Variants in TRIML1 observed in about 807,000 individuals in gnomAD.
The protein encoded by TRIML1 is probable E3 ubiquitin-protein ligase TRIML1.
Under a neutral mutation model 32.3 loss-of-function variants are expected in TRIML1, and 34 were observed. The observed-to-expected ratio is 1.05, with a 90% confidence interval of 0.80 to 1.40. TRIML1 has a LOEUF of 1.40. Ranked by LOEUF, TRIML1 falls within the 40% of genes most tolerant of loss-of-function variation. The probability of loss-of-function intolerance (pLI) is 0.00; values close to 1 mark genes in which losing one functional copy is unlikely to be tolerated. For missense variants in TRIML1, 595 were observed against 574.9 expected, an observed-to-expected ratio of 1.03 and a Z score of -0.36; for synonymous variants, 244 against 226.6, an observed-to-expected ratio of 1.08 and a Z score of -0.69.
intron 5 of TRIML1, 44 bp downstream of exon 5, chr4:188,144,177 A>C (rs1171277109): frequency 6.6e-7 from 1 of 1,510,980 alleles, no homozygotes; most frequent in Non-Finnish European, 9.1e-7. Flanking sequence ...TCGAAGAATT[A>C]ACTTCAGCAT....
chr4:188,144,071 C>T lies in TRIML1; in HGVS notation c.794C>T (p.Thr265Ile), dbSNP rs75061345. 2.7e-4 allele frequency: 435 copies of T among 1,614,048 alleles called. 3 individuals are homozygous for T. The East Asian group carries it at 9.3e-3, about 34-fold the overall frequency. The change falls in exon 5 of 6, where the codon ACC becomes ATC. Residue 265 changes from threonine to isoleucine, a missense_variant. By Grantham distance (89) the Thr-to-Ile change is moderately conservative (BLOSUM62 -1). Transcript: ENST00000332517. ...CTCTTGCTTCAGTGTCCAGAGGCCA[C>T]CACCACAGAGCTGAGTCTGTGCCGC... Reference protein sequence around the residue: ...EPLLLQCPEATTTELSLCRIT... With the variant: ...EPLLLQCPEAITTELSLCRIT...
downstream of TRIML1, among the ~76,000 whole-genome samples, chr4:188,148,749 C>A (rs1248290415): frequency 9.9e-5 from 15 of 151,640 alleles, no homozygotes; most frequent in Admixed American, 9.9e-4. Flanking sequence ...ATTACAGGCA[C>A]TTGCCATCAT....
Position 188,141,246 on chromosome 4 carries a change from C to A in TRIML1, c.504+623C>A, listed in dbSNP as rs1048927683. 5.4e-5 allele frequency among the ~76,000 whole-genome samples: 8 copies of A among 148,272 alleles called. 1 individual carries two copies. Among genetic ancestry groups the A allele is most frequent in the African/African-American group, 2.0e-4 (8 of 40,402 alleles). ...GCAGTGGCGCGATCCCGGCTCACTG[C>A]AACCTCCACCTCCCGGGTTCAAGTG... On this transcript the variant is annotated intron_variant, in intron 2 of 5. Transcript: ENST00000332517.
downstream of TRIML1, among the ~76,000 whole-genome samples, chr4:188,148,250 T>C (rs568353223): frequency 2.8e-4 from 43 of 152,100 alleles, no homozygotes; most frequent in Non-Finnish European, 6.0e-4. Flanking sequence ...TCCCAGCACT[T>C]TGGGAGGCCG....
At chr4:188,143,737 A>C in intron 3 of TRIML1, 101 bp from the exon 4 acceptor site, 1 of 1,423,854 alleles carries the variant, frequency 7.0e-7, no homozygotes. Flanking sequence ...GCTTCATGGG[A>C]AGCAGATTCT....
chr4:188,144,165 G>T (rs1355020952), intron 5 of TRIML1, 32 bp downstream of exon 5: 1 of 1,581,834 alleles, frequency 6.3e-7, no homozygotes, highest in Admixed American at 1.7e-5. Flanking sequence ...CCCCTCCGGG[G>T]CTCGAAGAAT....
In TRIML1 at chr4:188,139,703, A is replaced by G; in HGVS notation, c.145A>G (p.Thr49Ala). ...CCTCAGGAGCTGGGAGGAACATAAC[A>G]CACCTTTATCTTGTCCTGAGTGCTG... Reference protein sequence around the residue: ...CLLRSWEEHNTPLSCPECWRT... With the variant: ...CLLRSWEEHNAPLSCPECWRT... The change falls in exon 1 of 6, where the codon ACA becomes GCA. Residue 49 changes from threonine (T) to alanine (A), a missense_variant. By Grantham distance (58) the Thr-to-Ala change is moderately conservative. Transcript: ENST00000332517. 6.2e-7 allele frequency: 1 copy of G among 1,613,960 alleles called. No individual in the cohort carries two copies. The highest frequency in any genetic ancestry group is 1.7e-5 in the Admixed American group (1 of 59,986).
rs775921618 is a variant in TRIML1 at position 188,142,393 on chromosome 4, A to G, written c.646A>G (p.Ile216Val). ...CATGAGGAAGCTGAGGAACAATGAGATCAAACTGACCCAGCAAATCAGAAG... is the reference window on the plus strand; with the variant it reads ...CATGAGGAAGCTGAGGAACAATGAGGTCAAACTGACCCAGCAAATCAGAAG... ...ENMRKLRNNE[I>V]KLTQQIRSLS... The change falls in exon 3 of 6, where the codon ATC becomes GTC. Residue 216 changes from isoleucine to valine, a missense_variant. By Grantham distance (29) the Ile-to-Val change is conservative. Transcript: ENST00000332517. 8.1e-6 allele frequency: 13 copies of G among 1,613,820 alleles called. No homozygotes were observed. The highest frequency in any genetic ancestry group is 5.0e-5 in the Admixed American group (3 of 59,944).
intron 2 of TRIML1, among the ~76,000 whole-genome samples, chr4:188,141,637 C>T (rs1042439541): frequency 2.6e-5 from 4 of 152,002 alleles, no homozygotes; most frequent in African/African-American, 9.7e-5. Flanking sequence ...CACTACTTGT[C>T]ATATTTCTTA....
upstream of TRIML1, among the ~76,000 whole-genome samples, chr4:188,138,119 T>G (rs1319760057): frequency 6.6e-6 from 1 of 152,104 alleles, no homozygotes; most frequent in Admixed American, 6.6e-5. Context: ...AATTCACGTA[T>G]GCTTTACAAG....
intron 3 of TRIML1, 60 bp downstream of exon 3, chr4:188,142,542 C>T (rs1734904021): frequency 7.7e-7 from 1 of 1,291,590 alleles, no homozygotes; most frequent in Admixed American, 2.2e-5. Context: ...GTACTTCAAG[C>T]CATAGGAAAT....
Position 188,142,407 on chromosome 4 carries a change from G to A in TRIML1, c.660G>A (p.Gln220=). 1 of 1,613,800 alleles carries A rather than the reference G, an allele frequency of 6.2e-7. No homozygotes were observed. The highest frequency in any genetic ancestry group is 8.5e-7 in the Non-Finnish European group (1 of 1,179,992). Residue 220 remains glutamine, a synonymous_variant, in exon 3 of 6, where the codon CAG becomes CAA. Coordinates refer to ENST00000332517, the MANE Select transcript of TRIML1 (RefSeq NM_178556.5). ...GGAACAATGAGATCAAACTGACCCAGCAAATCAGAAGCCTAAGCAAAATGA... is the reference window on the plus strand; with the variant it reads ...GGAACAATGAGATCAAACTGACCCAACAAATCAGAAGCCTAAGCAAAATGA... ...KLRNNEIKLT[Q]QIRSLSKMIA...
At chr4:188,140,001 A>G in intron 1 of TRIML1, 35 bp downstream of exon 1, 1 of 1,549,184 alleles carries the variant, frequency 6.5e-7, no homozygotes, top group East Asian at 2.3e-5. Flanking sequence ...CCCACGACTC[A>G]TCGCAGCTAA....
chr4:188,142,433 T>C lies in TRIML1; in HGVS notation c.686T>C (p.Ile229Thr). Residue 229 changes from isoleucine (I) to threonine (T), a missense_variant, in exon 3 of 6, where the codon ATC (isoleucine) becomes ACC (threonine). Physicochemically the swap from Ile to Thr is moderately conservative, Grantham distance 89. Coordinates refer to ENST00000332517, the MANE Select transcript of TRIML1 (RefSeq NM_178556.5). The stretch of plus-strand genomic sequence containing the variant: ...CAAATCAGAAGCCTAAGCAAAATGA[T>C]CGCACAGATTGAGTCCTCAAGTCAA... ...TQQIRSLSKM[I>T]AQIESSSQSS... 4 of 1,613,830 alleles carry C rather than the reference T, an allele frequency of 2.5e-6. No homozygotes were observed. Among genetic ancestry groups the C allele is most frequent in the Non-Finnish European group, 3.4e-6 (4 of 1,179,974 alleles).
upstream of TRIML1, among the ~76,000 whole-genome samples, chr4:188,137,921 TTTC>T (rs1277045735): frequency 1.4e-5 from 2 of 147,842 alleles, no homozygotes; most frequent in African/African-American, 2.5e-5. Context: ...CCAAACTTTT[TTTC>T]TTTTTTTTTT....
chr4:188,146,991 C>T lies in TRIML1; in HGVS notation c.1026C>T (p.Tyr342=). 1 of 1,585,834 alleles carries T rather than the reference C, an allele frequency of 6.3e-7. No individual in the cohort carries two copies. ...AGATCTTCACCAGTGGGAGACACTACTGGGAGGTGGAGGTGGGAAACAAGA... is the reference window on the plus strand; with the variant it reads ...AGATCTTCACCAGTGGGAGACACTATTGGGAGGTGGAGGTGGGAAACAAGA... ...GTQIFTSGRH[Y]WEVEVGNKTE... is the part of the protein sequence containing the mutation. The change falls in exon 6 of 6, where the codon TAC becomes TAT. Residue 342 remains tyrosine (Y), a synonymous_variant. Coordinates refer to ENST00000332517, the MANE Select transcript of TRIML1 (RefSeq NM_178556.5).
At chr4:188,149,816 T>C (rs946003031), downstream of TRIML1, among the ~76,000 whole-genome samples, 38 of 152,126 alleles carry the variant, frequency 2.5e-4, 1 homozygote, top group Non-Finnish European at 5.9e-5. Flanking sequence ...ATTTATTTAT[T>C]TATTTGAGAT....
chr4:188,143,468 C>T (rs757143035), intron 3 of TRIML1: 3 of 293,024 alleles, frequency 1.0e-5, no homozygotes, highest in Admixed American at 4.7e-5. Context: ...CACACCACCC[C>T]GACCTGACAC....
chr4:188,142,600 G>T, intron 3 of TRIML1, 118 bp downstream of exon 3: 2 of 749,716 alleles, frequency 2.7e-6, no homozygotes, highest in Non-Finnish European at 4.2e-6. Flanking sequence ...TCCAAAAGTA[G>T]TTTTCCTAAA....
Sources: allele counts gnomAD v4.1 joint callset (sites outside exome capture counted in the v4.1 genomes callset), GRCh38; gene constraint gnomAD v4.1.1; transcripts MANE v1.5; gene names NCBI Gene and HGNC (gene_info 2026-07-23, HGNC 2026-07-21).